The following FMNL2 variants were observed in gnomAD, a reference collection of about 807,000 sequenced individuals.
FMNL2 encodes formin-like protein 2.
In FMNL2, 51 loss-of-function variants were observed where a neutral mutation model predicts 130.2. The observed-to-expected ratio is 0.39, with a 90% CI of 0.31 to 0.49. The LOEUF is 0.49. Among genes scored for constraint, FMNL2 ranks in the 20% least tolerant of loss-of-function variants. FMNL2 has a pLI of 0.85. For missense variants in FMNL2, 977 were observed against 1,316.2 expected, an observed-to-expected ratio of 0.74 and a Z score of 3.99; for synonymous variants, 465 against 467.1, an observed-to-expected ratio of 1.00 and a Z score of 0.06.
At position 152,488,618 on chromosome 2, in the gene FMNL2, A is replaced by G. The variant is rs114223589; in HGVS notation, c.118-33325A>G. ...TGTCTGTAAACAGACATATGCACAC[A>G]TATATATACCTGTGTGTATGTATAT... On this transcript the variant is annotated intron_variant, in intron 1 of 25. Coordinates refer to ENST00000288670, the MANE Select transcript of FMNL2 (RefSeq NM_052905.4). Among the ~76,000 whole-genome samples, 529 of 152,352 alleles carry G rather than the reference A, an allele frequency of 3.5e-3. 4 individuals are homozygous for G. Among genetic ancestry groups the G allele is most frequent in the Middle Eastern group, 0.024 (7 of 294 alleles).
At chr2:152,516,273 G>T (rs534697536) in intron 1 of FMNL2, among the ~76,000 whole-genome samples, 1 of 152,220 alleles carries the variant, frequency 6.6e-6, no homozygotes, top group South Asian at 2.1e-4. Context: ...CTTAAAAATG[G>T]TTATGAGGTA....
In FMNL2 at chr2:152,549,353, G is replaced by A. The variant is rs114325697; in HGVS notation, c.359+256G>A. Reference sequence around the variant, plus strand: ...CGGGTGCAGTAAATATGGACACTTGGTTTCATGTGTGCATAACAATTCTCT... The same window carrying A: ...CGGGTGCAGTAAATATGGACACTTGATTTCATGTGTGCATAACAATTCTCT... On this transcript the variant is annotated intron_variant, in intron 4 of 25. Transcript: ENST00000288670. 5.2e-3 allele frequency among the ~76,000 whole-genome samples: 797 copies of A among 152,288 alleles called. 2 individuals carry two copies. The highest frequency in any genetic ancestry group is 9.4e-3 in the Non-Finnish European group (638 of 68,014).
chr2:152,450,110 G>A (rs1392108262), intron 1 of FMNL2, among the ~76,000 whole-genome samples: 1 of 152,064 alleles, frequency 6.6e-6, no homozygotes, highest in Non-Finnish European at 1.5e-5. Flanking sequence ...AGAGCTTGGG[G>A]AATAAAAACT....
chr2:152,492,868 A>C lies in FMNL2; in HGVS notation c.118-29075A>C, dbSNP rs116460935. On this transcript the variant is annotated intron_variant, in intron 1 of 25. Transcript: ENST00000288670. ...GTTGGTGATAAAAAGAAAATAGCCG[A>C]TATATTATTACTTTTTTTTTCTTCT... Among the ~76,000 whole-genome samples, 1,022 of 152,224 alleles carry C rather than the reference A, an allele frequency of 6.7e-3. 12 individuals are homozygous for C. Among genetic ancestry groups the C allele is most frequent in the African/African-American group, 0.023 (973 of 41,530 alleles).
chr2:152,589,987 A>ATATGTGTATGTATATG (rs1553482703), intron 9 of FMNL2, among the ~76,000 whole-genome samples: 1 of 55,254 alleles, frequency 1.8e-5, no homozygotes, highest in East Asian at 6.8e-4. Context: ...ATATATATGT[A>ATATGTGTATGTATATG]TATGTATATG....
At chr2:152,637,768 T>TC in intron 23 of FMNL2, 94 bp downstream of exon 23, 1 of 1,086,266 alleles carries the variant, frequency 9.2e-7, no homozygotes. Context: ...GCCTCCCAGT[T>TC]CCTGTGGACA....
At chr2:152,591,112 C>T (rs1376466723) in intron 9 of FMNL2, among the ~76,000 whole-genome samples, 1 of 147,998 alleles carries the variant, frequency 6.8e-6, no homozygotes, top group Non-Finnish European at 1.5e-5. Context: ...CGGGTTCAAG[C>T]GATTCTCCTG....
intron 1 of FMNL2, among the ~76,000 whole-genome samples, chr2:152,353,746 GGTT>G (rs1224855221): frequency 6.6e-6 from 1 of 152,108 alleles, no homozygotes; most frequent in Non-Finnish European, 1.5e-5. Flanking sequence ...CACAAGAAGT[GGTT>G]GTTCTGATTA....
At chr2:152,446,500 T>A (rs959327317) in intron 1 of FMNL2, among the ~76,000 whole-genome samples, 1 of 152,188 alleles carries the variant, frequency 6.6e-6, no homozygotes, top group African/African-American at 2.4e-5. Flanking sequence ...ACTTTTGTGA[T>A]TGTTTGAAAT....
At chr2:152,380,911 A>G (rs1436163038) in intron 1 of FMNL2, among the ~76,000 whole-genome samples, 1 of 152,230 alleles carries the variant, frequency 6.6e-6, no homozygotes, top group Non-Finnish European at 1.5e-5. Flanking sequence ...AGTTTATGGC[A>G]GGTGACTTAA....
At chr2:152,445,237 C>T (rs917583122) in intron 1 of FMNL2, among the ~76,000 whole-genome samples, 1 of 152,212 alleles carries the variant, frequency 6.6e-6, no homozygotes, top group Non-Finnish European at 1.5e-5. Flanking sequence ...CACTGTCTTC[C>T]CCAATTCTGT....
Position 152,486,848 on chromosome 2 carries a change from T to C in FMNL2, c.118-35095T>C, listed in dbSNP as rs78286481. On this transcript the variant is annotated intron_variant, in intron 1 of 25. Coordinates refer to ENST00000288670, the MANE Select transcript of FMNL2 (RefSeq NM_052905.4). ...ACATGCCCTGCATCAGTAGGCCTTG[T>C]TAGTTACGTAATCCTACTATTTGAG... is the stretch of plus-strand genomic sequence containing the variant. 7.2e-5 allele frequency among the ~76,000 whole-genome samples: 11 copies of C among 152,356 alleles called. No homozygotes were observed. The East Asian group carries it at 2.1e-3, about 29-fold the overall frequency.
intron 9 of FMNL2, among the ~76,000 whole-genome samples, chr2:152,605,294 G>A (rs563760528): frequency 7.9e-4 from 120 of 151,138 alleles, no homozygotes; most frequent in African/African-American, 2.7e-3. Flanking sequence ...ATGTGTGTGC[G>A]TCTGTGCGTG....
chr2:152,487,932 C>T (rs1017007943), intron 1 of FMNL2, among the ~76,000 whole-genome samples: 13 of 151,906 alleles, frequency 8.6e-5, no homozygotes, highest in Non-Finnish European at 4.4e-5. Flanking sequence ...GGATTACAGG[C>T]GCACACCACC....
At chr2:152,477,723 G>A (rs1040633067) in intron 1 of FMNL2, among the ~76,000 whole-genome samples, 1 of 152,146 alleles carries the variant, frequency 6.6e-6, no homozygotes, top group Non-Finnish European at 1.5e-5. Context: ...AGGGAAGCGG[G>A]AGATGGACAT....
intron 1 of FMNL2, among the ~76,000 whole-genome samples, chr2:152,480,222 T>A (rs1690420254): frequency 6.6e-6 from 1 of 152,186 alleles, no homozygotes; most frequent in Non-Finnish European, 1.5e-5. Context: ...TGTTGGTCTA[T>A]CAGATCTAAT....
chr2:152,444,890 A>C (rs1688255411), intron 1 of FMNL2, among the ~76,000 whole-genome samples: 1 of 152,190 alleles, frequency 6.6e-6, no homozygotes, highest in African/African-American at 2.4e-5. Context: ...GCGCCCACTT[A>C]GTTGGTAGGC....
chr2:152,370,530 G>A (rs1184736830), intron 1 of FMNL2, among the ~76,000 whole-genome samples: 1 of 152,116 alleles, frequency 6.6e-6, no homozygotes, highest in African/African-American at 2.4e-5. Context: ...TGAGTTGATT[G>A]GAAGTAGATT....
intron 6 of FMNL2, among the ~76,000 whole-genome samples, chr2:152,567,748 C>T (rs932013853): frequency 1.3e-5 from 2 of 152,220 alleles, no homozygotes; most frequent in African/African-American, 4.8e-5. Flanking sequence ...TGTTGCATTT[C>T]AGTGGGTTGA....
Sources: gnomAD v4.1 joint callset for allele counts (sites outside exome capture counted in the v4.1 genomes callset) on GRCh38, gnomAD v4.1.1 for gene constraint, MANE v1.5 for transcripts, NCBI Gene and HGNC (gene_info 2026-07-23, HGNC 2026-07-21) for gene names.